The following DZIP1 variants were observed in gnomAD, a reference collection of about 807,000 sequenced individuals.
DZIP1 encodes the protein cilium assembly protein DZIP1.
In DZIP1, 97 loss-of-function variants were observed where a neutral mutation model predicts 107.6. That is an observed-to-expected ratio of 0.90 (90% confidence interval 0.77 to 1.07). The LOEUF (loss-of-function observed/expected upper bound fraction) is 1.07, where lower values mean the gene tolerates loss of function less well. DZIP1 is among the 50% of genes least tolerant of loss of function. The pLI is 0.00. For missense variants in DZIP1, 1,035 were observed against 1,063.6 expected (o/e 0.97, Z 0.37); for synonymous variants, 390 against 386.4 (o/e 1.01, Z -0.11).
chr13:95,624,768 A>G lies in DZIP1; in HGVS notation c.972T>C (p.Tyr324=), dbSNP rs150484598. ...AAGAACTTCTAGGTTTAATACTTAC[A>G]TATTCTAATGCTGAATTCTTCGAAG... The part of the protein sequence containing the change: ...ELTSKNSALE[Y]QLSEIQKSNM... Residue 324 remains tyrosine, a splice_region_variant and synonymous_variant, in exon 8 of 23, where the codon TAT becomes TAC. Coordinates refer to ENST00000376829, the MANE Select transcript of DZIP1 (RefSeq NM_198968.4). 3.8e-6 allele frequency: 6 copies of G among 1,592,416 alleles called. No individual in the cohort carries two copies. The highest frequency in any genetic ancestry group is 1.3e-5 in the African/African-American group (1 of 74,654).
intron 7 of DZIP1, 29 bp downstream of exon 7, chr13:95,629,960 T>C (rs750770348): frequency 5.7e-6 from 9 of 1,572,168 alleles, no homozygotes; most frequent in African/African-American, 1.4e-5. Flanking sequence ...TTAATTGTAA[T>C]TAAAATACCA....
chr13:95,619,692 AAAAAAAAG>A (rs1167698814), intron 10 of DZIP1, among the ~76,000 whole-genome samples, 185 bp downstream of exon 10: 2 of 152,164 alleles, frequency 1.3e-5, no homozygotes, highest in African/African-American at 2.4e-5. Flanking sequence ...CATGAGAAAA[AAAAAAAAG>A]AAAACAAATT....
intron 15 of DZIP1, among the ~76,000 whole-genome samples, chr13:95,595,105 G>A (rs1304628103): frequency 1.3e-5 from 2 of 152,220 alleles, no homozygotes; most frequent in Non-Finnish European, 2.9e-5. Flanking sequence ...GCCCACCAAA[G>A]GGTGGCATCA....
At chr13:95,598,415 G>C (rs2044519427) in intron 15 of DZIP1, among the ~76,000 whole-genome samples, 1 of 152,078 alleles carries the variant, frequency 6.6e-6, no homozygotes, top group African/African-American at 2.4e-5. Flanking sequence ...AGACTTGAAA[G>C]TGTATATCAT....
At chr13:95,616,514 T>A (rs1875092241) in intron 10 of DZIP1, among the ~76,000 whole-genome samples, 1 of 152,134 alleles carries the variant, frequency 6.6e-6, no homozygotes, top group Admixed American at 6.5e-5. Context: ...AGAGGGCCAA[T>A]GACGTGATTG....
intron 14 of DZIP1, 44 bp from the exon 15 acceptor site, chr13:95,599,468 C>A (rs766925464): frequency 4.8e-6 from 7 of 1,463,282 alleles, no homozygotes; most frequent in African/African-American, 1.4e-5. Context: ...AGGACAACAG[C>A]AAAGTTACAT....
At chr13:95,632,000 C>T (rs938391962) in intron 6 of DZIP1, among the ~76,000 whole-genome samples, 2 of 152,194 alleles carry the variant, frequency 1.3e-5, no homozygotes, top group African/African-American at 4.8e-5. Flanking sequence ...ACTGCCTCCT[C>T]TGTGAAATAC....
intron 10 of DZIP1, among the ~76,000 whole-genome samples, chr13:95,615,980 T>C (rs1875014029): frequency 6.6e-6 from 1 of 152,072 alleles, no homozygotes; most frequent in Non-Finnish European, 1.5e-5. Flanking sequence ...AACACCCTGA[T>C]GAGGAGAAAT....
chr13:95,585,944 G>A, intron 21 of DZIP1, 62 bp downstream of exon 21: 2 of 1,484,914 alleles, frequency 1.3e-6, no homozygotes, highest in Admixed American at 4.8e-5. Flanking sequence ...CAAAAAGTGT[G>A]ACCATTAAGG....
intron 6 of DZIP1, 110 bp from the exon 7 acceptor site, chr13:95,630,223 G>C: frequency 7.4e-7 from 1 of 1,352,100 alleles, no homozygotes; most frequent in African/African-American, 1.5e-5. Flanking sequence ...TCTTACTTGG[G>C]ATACGATTAC....
intron 9 of DZIP1, among the ~76,000 whole-genome samples, chr13:95,621,273 G>A (rs575701875): frequency 1.4e-4 from 21 of 152,348 alleles, no homozygotes; most frequent in African/African-American, 5.1e-4. Flanking sequence ...CTGCTGGGCC[G>A]CTGGAGTGCC....
chr13:95,641,754 C>T lies in DZIP1; in HGVS notation c.138G>A (p.Ala46=). 1.3e-6 allele frequency: 2 copies of T among 1,586,020 alleles called. No homozygotes were observed. The highest frequency in any genetic ancestry group is 1.3e-5 in the African/African-American group (1 of 74,692). The change falls in exon 5 of 23, where the codon GCG becomes GCA. Residue 46 remains alanine (A), a synonymous_variant. Coordinates refer to ENST00000376829, the MANE Select transcript of DZIP1 (RefSeq NM_198968.4). This position sits in a 1 kb window ranked among gnomAD's most constrained non-coding sequence, Gnocchi z 4.3. ...GGGGCCCCGAAGCCGCGCTGGGGGG[C>T]GCACAGGCCATGGAGGCCGCACCCG... ...AAAGAASMAC[A]PPSAASGPLP... is the part of the protein sequence containing the mutation.
In DZIP1 at chr13:95,619,928, C is replaced by T. The variant is rs374810381; in HGVS notation, c.1130G>A (p.Arg377Gln). ...LDSQESKWTA[R>Q]VQAIHQEHKK... ...GTGTTCTTGATGAATAGCTTGAACT[C>T]GAGCTGTCCATTTGCTTTCCTACAA... The change falls in exon 10 of 23, where the codon CGA becomes CAA. Residue 377 changes from arginine to glutamine, a missense_variant. Physicochemically the swap from Arg to Gln is conservative, Grantham distance 43. Transcript: ENST00000376829. 29 of 1,613,686 alleles carry T rather than the reference C, an allele frequency of 1.8e-5. No individual in the cohort carries two copies. Among genetic ancestry groups the T allele is most frequent in the Non-Finnish European group, 2.3e-5 (27 of 1,179,944 alleles).
chr13:95,598,250 T>A (rs1466342006), intron 15 of DZIP1, among the ~76,000 whole-genome samples: 1 of 152,122 alleles, frequency 6.6e-6, no homozygotes, highest in Non-Finnish European at 1.5e-5. Flanking sequence ...GTGCCAAACA[T>A]GAACAACTAT....
rs779503028 is a variant in DZIP1 at position 95,587,653 on chromosome 13, G to A, written c.2104C>T (p.Pro702Ser). 26 of 1,614,026 alleles carry A rather than the reference G, an allele frequency of 1.6e-5. No homozygotes were observed. The highest frequency in any genetic ancestry group is 2.0e-5 in the Non-Finnish European group (24 of 1,180,028). Residue 702 changes from proline to serine, a missense_variant, in exon 20 of 23, where the codon CCT becomes TCT. Physicochemically the swap from Pro to Ser is moderately conservative, Grantham distance 74. Transcript: ENST00000376829. The part of the protein sequence containing the change: ...IRAYASPGPL[P>S]VPPPQNKGSF... ...CCCTTGTTTTGTGGTGGCGGCACAG[G>A]AAGTGGGCCTGGGGATGCGTATGCC...
chr13:95,598,464 A>G (rs544214604), intron 15 of DZIP1, among the ~76,000 whole-genome samples: 1 of 152,166 alleles, frequency 6.6e-6, no homozygotes, highest in African/African-American at 2.4e-5. Flanking sequence ...TCAATTCTCA[A>G]TTTGTAGCCT....
chr13:95,603,128 T>A (rs1237548372), intron 14 of DZIP1, among the ~76,000 whole-genome samples: 9 of 152,064 alleles, frequency 5.9e-5, no homozygotes, highest in Admixed American at 4.6e-4. Flanking sequence ...GAAACCAGCC[T>A]GGGCAACATA....
In DZIP1 at chr13:95,641,772, C is replaced by G. The variant is rs1450644688; in HGVS notation, c.120G>C (p.Ala40=). The G allele has an allele frequency of 6.4e-7, 1 of 1,554,740 alleles. No individual in the cohort carries two copies. Among genetic ancestry groups the G allele is most frequent in the African/African-American group, 1.4e-5 (1 of 72,312 alleles). ...TGGGGGGCGCACAGGCCATGGAGGCCGCACCCGCGGCGGCGGCGGCCACAG... is the reference window on the plus strand; with the variant it reads ...TGGGGGGCGCACAGGCCATGGAGGCGGCACCCGCGGCGGCGGCGGCCACAG... ...DVAVAAAAAG[A]ASMACAPPSA... Residue 40 remains alanine, a synonymous_variant, in exon 5 of 23, where the codon GCG becomes GCC. Coordinates refer to ENST00000376829, the MANE Select transcript of DZIP1 (RefSeq NM_198968.4). The surrounding 1 kb of genome is among the most constrained non-coding windows in gnomAD (Gnocchi z 4.3).
chr13:95,606,518 A>G (rs756083125), intron 13 of DZIP1, among the ~76,000 whole-genome samples: 1 of 152,214 alleles, frequency 6.6e-6, no homozygotes. Flanking sequence ...GGTTTTGCTC[A>G]CTTAGCACAG....
Sources: gnomAD v4.1 joint callset for allele counts (sites outside exome capture counted in the v4.1 genomes callset) on GRCh38, gnomAD v4.1.1 for gene constraint, Gnocchi (gnomAD v3.1) non-coding constraint, MANE v1.5 for transcripts, NCBI Gene and HGNC (gene_info 2026-07-23, HGNC 2026-07-21) for gene names.